LAMA1: variants seen among roughly 807,000 people sequenced by gnomAD.
LAMA1 encodes laminin subunit alpha-1.
A neutral mutation model predicts 348.7 loss-of-function variants in LAMA1; 219 were observed. The ratio of observed to expected loss-of-function variants is 0.63; its 90% CI spans 0.56 to 0.70. The LOEUF is 0.70. Ranked by LOEUF, LAMA1 falls within the 30% of genes least tolerant of loss-of-function variation. The pLI, the probability that LAMA1 is intolerant of heterozygous loss-of-function variation, is 0.00. For missense variants in LAMA1, 3,744 were observed against 3,888.0 expected (o/e 0.96, Z 0.99); for synonymous variants, 1,487 against 1,491.0 (o/e 1.00, Z 0.06).
chr18:7,072,762 A>G (rs1427964177), intron 3 of LAMA1, among the ~76,000 whole-genome samples: 1 of 152,116 alleles, frequency 6.6e-6, no homozygotes, highest in Non-Finnish European at 1.5e-5. Flanking sequence ...CCTACTGAGA[A>G]GAAGTGTTTG....
At chr18:6,948,591 G>A (rs767844362) in intron 59 of LAMA1, 35 bp from the exon 60 acceptor site, 2 of 1,613,580 alleles carry the variant, frequency 1.2e-6, no homozygotes, top group Admixed American at 3.3e-5. Flanking sequence ...AGACAGTGGT[G>A]ATTCTAATGG....
intron 23 of LAMA1, 49 bp downstream of exon 23, chr18:7,013,766 T>G (rs1366835644): frequency 1.3e-6 from 2 of 1,582,184 alleles, no homozygotes; most frequent in Admixed American, 3.4e-5. Flanking sequence ...CCAGGAGTCA[T>G]GATGAGGAGC....
intron 48 of LAMA1, among the ~76,000 whole-genome samples, chr18:6,969,712 G>T (rs1479201974): frequency 6.6e-6 from 1 of 152,292 alleles, no homozygotes; most frequent in East Asian, 1.9e-4. Flanking sequence ...CCGTCAAAAA[G>T]CCAGTCTCGA....
chr18:7,040,793 AT>A (rs1480877476), intron 9 of LAMA1, among the ~76,000 whole-genome samples: 1 of 152,232 alleles, frequency 6.6e-6, no homozygotes, highest in East Asian at 1.9e-4. Flanking sequence ...TGTCCATACT[AT>A]GAAATATTAT....
At chr18:7,052,457 T>C (rs2058065811) in intron 3 of LAMA1, among the ~76,000 whole-genome samples, 1 of 149,032 alleles carries the variant, frequency 6.7e-6, no homozygotes, top group African/African-American at 2.5e-5. Context: ...CTGGGCACCA[T>C]GGCTCACACC....
chr18:6,948,720 G>GT (rs2057533330), intron 59 of LAMA1, among the ~76,000 whole-genome samples, 164 bp from the exon 60 acceptor site: 1 of 152,172 alleles, frequency 6.6e-6, no homozygotes, highest in South Asian at 2.1e-4. Context: ...GAATGTCTAA[G>GT]TTAGAGCTAC....
chr18:6,945,154 C>T (rs2143962863), intron 61 of LAMA1, among the ~76,000 whole-genome samples: 1 of 152,238 alleles, frequency 6.6e-6, no homozygotes, highest in South Asian at 2.1e-4. Context: ...CTCAGCCTCC[C>T]AAGGTTTTGG....
At chr18:7,017,206 G>T in intron 20 of LAMA1, 72 bp downstream of exon 20, 1 of 1,178,716 alleles carries the variant, frequency 8.5e-7, no homozygotes, top group Non-Finnish European at 1.3e-6. Flanking sequence ...TGGGGACTTA[G>T]CTCCTTCTGA....
chr18:6,969,181 A>C (rs956705796), intron 48 of LAMA1, among the ~76,000 whole-genome samples: 1 of 151,868 alleles, frequency 6.6e-6, no homozygotes, highest in Non-Finnish European at 1.5e-5. Context: ...TCTGTCACCC[A>C]GGCAGAAGTG....
intron 29 of LAMA1, 38 bp downstream of exon 29, chr18:7,007,101 T>C: frequency 6.2e-7 from 1 of 1,611,886 alleles, no homozygotes; most frequent in Non-Finnish European, 8.5e-7. Context: ...TCCACTTTAC[T>C]TCTAAACTCA....
intron 30 of LAMA1, 83 bp downstream of exon 30, chr18:7,002,181 C>T: frequency 6.4e-7 from 1 of 1,552,904 alleles, no homozygotes; most frequent in Non-Finnish European, 8.7e-7. Flanking sequence ...AACAACAGAC[C>T]ACTCAGAGAC....
intron 26 of LAMA1, among the ~76,000 whole-genome samples, chr18:7,009,875 C>T (rs956623982): frequency 3.3e-5 from 5 of 152,152 alleles, no homozygotes; most frequent in Admixed American, 6.5e-5. Flanking sequence ...GGCACAATCT[C>T]GGCTCACTGC....
intron 50 of LAMA1, 97 bp downstream of exon 50, chr18:6,965,191 C>A: frequency 6.8e-7 from 1 of 1,464,460 alleles, no homozygotes; most frequent in Non-Finnish European, 9.5e-7. Flanking sequence ...CATTCAATAC[C>A]CAGGAAACTA....
intron 3 of LAMA1, among the ~76,000 whole-genome samples, chr18:7,076,300 A>T (rs2058168118): frequency 6.6e-6 from 1 of 152,194 alleles, no homozygotes; most frequent in African/African-American, 2.4e-5. Flanking sequence ...GACTTTTAAC[A>T]CCCAGAGAGA....
At chr18:7,042,517 G>T in intron 8 of LAMA1, 1 of 396,910 alleles carries the variant, frequency 2.5e-6, no homozygotes, top group Non-Finnish European at 4.8e-6. Context: ...TCGCGCTGCT[G>T]TCTCTCAGAG....
At chr18:6,951,786 A>G (rs1470468126) in intron 57 of LAMA1, among the ~76,000 whole-genome samples, 1 of 152,206 alleles carries the variant, frequency 6.6e-6, no homozygotes. Flanking sequence ...AGGAAGAAGC[A>G]ACAGGATTTG....
At chr18:7,049,632 C>T (rs908018481) in intron 4 of LAMA1, among the ~76,000 whole-genome samples, 6 of 152,148 alleles carry the variant, frequency 3.9e-5, no homozygotes, top group Non-Finnish European at 8.8e-5. Flanking sequence ...AAAAATATAG[C>T]CCTGATTGTC....
Position 7,065,007 on chromosome 18 carries a change from G to A in LAMA1, c.346-14071C>T, listed in dbSNP as rs536360760. Among the ~76,000 whole-genome samples, 24 of 151,726 alleles carry A rather than the reference G, an allele frequency of 1.6e-4. No homozygotes were observed. The East Asian group carries it at 4.2e-3, about 26-fold the overall frequency. ...TCCCAGCACTTTGGGAGGGGGGCAG[G>A]TGGATCACAAGGTCAGGAGATCAAG... On this transcript the variant is annotated intron_variant, in intron 3 of 62. Transcript: ENST00000389658.
chr18:7,037,734 C>T lies in LAMA1; in HGVS notation c.1581G>A (p.Gly527=), dbSNP rs1170947217. The change falls in exon 12 of 63, where the codon GGG becomes GGA. Residue 527 remains glycine (G), a synonymous_variant. Transcript: ENST00000389658. ...GACTGATCAAGTCGGTGACCAGCCA[C>T]CCGGACATACTGTTTACCTTAAAAA... ...WPVGQVNSMS[G]WLVTDLISPR... 1 of 1,614,144 alleles carries T rather than the reference C, an allele frequency of 6.2e-7. No individual in the cohort carries two copies. Among genetic ancestry groups the T allele is most frequent in the Admixed American group, 1.7e-5 (1 of 60,018 alleles).
Sources: gnomAD v4.1 joint callset for allele counts (sites outside exome capture counted in the v4.1 genomes callset) on GRCh38, gnomAD v4.1.1 for gene constraint, MANE v1.5 for transcripts, NCBI Gene and HGNC (gene_info 2026-07-23, HGNC 2026-07-21) for gene names.